Variants in FBH1 observed in about 807,000 individuals in gnomAD.
FBH1 encodes F-box DNA helicase 1, also known as DNA 3'-5' helicase 1.
In FBH1, 43 loss-of-function variants were observed where a neutral mutation model predicts 115.5. That is an observed-to-expected ratio of 0.37 (90% CI 0.29 to 0.48). The LOEUF (loss-of-function observed/expected upper bound fraction) is 0.48. FBH1 is among the 20% of genes least tolerant of loss of function. FBH1 has a pLI of 0.99. For missense variants in FBH1, 1,001 were observed against 1,337.3 expected (o/e 0.75, Z 3.92); for synonymous variants, 524 against 507.8 (o/e 1.03, Z -0.43).
chr10:5,916,276 C>T lies in FBH1; in HGVS notation c.1608C>T (p.Pro536=). The T allele has an allele frequency of 1.2e-6, 2 of 1,614,192 alleles. No individual in the cohort carries two copies. Among genetic ancestry groups the T allele is most frequent in the Non-Finnish European group, 1.7e-6 (2 of 1,180,040 alleles). The stretch of plus-strand genomic sequence containing the variant: ...AGTTGAATCTCTTCAAGTTAACACC[C>T]TTCATGGTCAACTCCGTCCTTGCTG... ...KKKLNLFKLT[P]FMVNSVLAEG... The change falls in exon 10 of 21, where the codon CCC becomes CCT. Residue 536 remains proline, a synonymous_variant. Transcript: ENST00000362091.
At chr10:5,903,482 C>T (rs376987232) in intron 2 of FBH1, among the ~76,000 whole-genome samples, 1 of 121,392 alleles carries the variant, frequency 8.2e-6, no homozygotes, top group East Asian at 2.3e-4. Context: ...AGGTGCGTGC[C>T]ACCACCCCCA....
Position 5,916,365 on chromosome 10 carries a change from C to T in FBH1, c.1697C>T (p.Ser566Leu), listed in dbSNP as rs773741923. ...VCKTLENFFA[S>L]ADEELTIDHV... ...AAGACTCTAGAAAACTTCTTTGCCTCGGCTGACGAAGAGCTGACCATTGAT... is the reference window on the plus strand; with the variant it reads ...AAGACTCTAGAAAACTTCTTTGCCTTGGCTGACGAAGAGCTGACCATTGAT... Residue 566 changes from serine (S) to leucine (L), a missense_variant, in exon 10 of 21, where the codon TCG becomes TTG. Ser to Leu is a moderately radical substitution (Grantham distance 145). Around this residue, in one of 4 missense-constraint regions of FBH1, gnomAD observed 521 missense variants for 811.0 expected, o/e 0.64. Coordinates refer to ENST00000362091, the MANE Select transcript of FBH1 (RefSeq NM_178150.3). 5 of 1,614,204 alleles carry T rather than the reference C, an allele frequency of 3.1e-6. No individual in the cohort carries two copies. The highest frequency in any genetic ancestry group is 2.2e-5 in the East Asian group (1 of 44,890).
Position 5,910,878 on chromosome 10 carries a change from T to C in FBH1, c.1021-60T>C. 1.4e-6 allele frequency: 2 copies of C among 1,467,404 alleles called. No individual in the cohort carries two copies. The highest frequency in any genetic ancestry group is 1.8e-6 in the Non-Finnish European group (2 of 1,082,016). The allele number at this position is 1,467,404 out of a possible 1,614,324, so 90.9% of individuals were successfully genotyped here. A position where few individuals can be genotyped will look rare whatever the true frequency, so the allele number is the denominator to read the frequency against. ...CGGCTTTCCTGACTCCTTCCTGCTG[T>C]GATTCGTATTAACCATGGCCTGTGG... On this transcript the variant is annotated intron_variant, in intron 5 of 20. Transcript: ENST00000362091. This position sits in a 1 kb window ranked among gnomAD's most constrained non-coding sequence, Gnocchi z 4.8.
Position 5,931,256 on chromosome 10 carries a change from C to G in FBH1, c.2829+3715C>G, listed in dbSNP as rs1832955254. Among the ~76,000 whole-genome samples the G allele has an allele frequency of 6.6e-6, 1 of 152,186 alleles. No homozygotes were observed. The stretch of plus-strand genomic sequence containing the variant: ...TGCCATCTCAGCAGATACGCATTAC[C>G]TTGCTTTGTTGCACAACGGCACCTT... On this transcript the variant is annotated intron_variant, in intron 19 of 20. Transcript: ENST00000362091. The surrounding 1 kb of genome is among the most constrained non-coding windows in gnomAD (Gnocchi z 4.3).
rs749128322 is a variant in FBH1 at position 5,925,486 on chromosome 10, A to C, written c.2716A>C (p.Arg906=). The part of the protein sequence containing the change: ...RHNLPQLPHF[R]VESFSEDEWN... ...TAACCTGCCCCAGCTTCCGCACTTC[A>C]GAGTTGGTAAGAGGCCGCCGGGTAG... Residue 906 remains arginine (R), a synonymous_variant, in exon 18 of 21, where the codon AGA becomes CGA. Transcript: ENST00000362091. This position sits in a 1 kb window ranked among gnomAD's most constrained non-coding sequence, Gnocchi z 4.6. 36 of 1,613,754 alleles carry C rather than the reference A, an allele frequency of 2.2e-5. No individual in the cohort carries two copies. The highest frequency in any genetic ancestry group is 3.1e-5 in the Non-Finnish European group (36 of 1,180,040).
chr10:5,929,370 T>A (rs1832839607), intron 19 of FBH1: 4 of 152,212 alleles, frequency 2.6e-5, no homozygotes, highest in African/African-American at 9.7e-5. Context: ...TCATTTTTCC[T>A]CCAGGCCTCT....
In FBH1 at chr10:5,911,688, G is replaced by A. The variant is rs1051974985; in HGVS notation, c.1211+560G>A. On this transcript the variant is annotated intron_variant, in intron 6 of 20. Transcript: ENST00000362091. This position sits in a 1 kb window ranked among gnomAD's most constrained non-coding sequence, Gnocchi z 5.4. ...GGTCCACTGTGACCGGCTTAGAGGA[G>A]TTAGAGGAGATTCCTGATCTAGTGA... Among the ~76,000 whole-genome samples, 3 of 152,180 alleles carry A rather than the reference G, an allele frequency of 2.0e-5. No homozygotes were observed. The highest frequency in any genetic ancestry group is 1.3e-4 in the Admixed American group (2 of 15,284).
chr10:5,902,473 T>G (rs769512124), intron 1 of FBH1, among the ~76,000 whole-genome samples: 2 of 152,136 alleles, frequency 1.3e-5, no homozygotes, highest in Non-Finnish European at 2.9e-5. Context: ...CCTCAGTATA[T>G]CCACTAGTGA....
In FBH1 at chr10:5,890,267, T is replaced by C. The variant is rs1321931220; in HGVS notation, c.-79T>C. On this transcript the variant is annotated 5_prime_UTR_variant, in exon 1 of 21. Transcript: ENST00000362091. ...GGTCCCGGCCAGAGGAGGAGCTCGC[T>C]GCCGGGGGACGCTGGGCTGAGCGGC... 1.1e-5 allele frequency: 4 copies of C among 365,240 alleles called. No individual in the cohort carries two copies. The highest frequency in any genetic ancestry group is 6.5e-5 in the African/African-American group (3 of 46,336). The allele number at this position is 365,240 out of a possible 1,614,324, so 22.6% of individuals were successfully genotyped here.
At position 5,918,017 on chromosome 10, in the gene FBH1, T is replaced by C. The variant is rs1204619719; in HGVS notation, c.1964-325T>C. Among the ~76,000 whole-genome samples, 1 of 152,232 alleles carries C rather than the reference T, an allele frequency of 6.6e-6. No individual in the cohort carries two copies. The highest frequency in any genetic ancestry group is 1.5e-5 in the Non-Finnish European group (1 of 68,046). On this transcript the variant is annotated intron_variant, in intron 12 of 20. Coordinates refer to ENST00000362091, the MANE Select transcript of FBH1 (RefSeq NM_178150.3). This position sits in a 1 kb window ranked among gnomAD's most constrained non-coding sequence, Gnocchi z 4.0. ...GTGGCTAGGAGAGAACAGACAGTGT[T>C]ATCCGTCTGACTTTGTAGGTCAATT...
In FBH1 at chr10:5,936,858, G is replaced by T. The variant is rs1041023599; in HGVS notation, c.2962-252G>T. 4 of 592,776 alleles carry T rather than the reference G, an allele frequency of 6.7e-6. No individual in the cohort carries two copies. The highest frequency in any genetic ancestry group is 1.9e-5 in the African/African-American group (1 of 53,894). The allele number at this position is 592,776 out of a possible 1,614,324, so 36.7% of individuals were successfully genotyped here. ...GAGAGCTGTTCCCTGGGGTCCCAGC[G>T]CAGCTTTTCTTGGTTCTTTATCTTG... On this transcript the variant is annotated intron_variant, in intron 20 of 20. Coordinates refer to ENST00000362091, the MANE Select transcript of FBH1 (RefSeq NM_178150.3). This position sits in a 1 kb window ranked among gnomAD's most constrained non-coding sequence, Gnocchi z 5.6.
Position 5,913,012 on chromosome 10 carries a change from G to T in FBH1, c.1212-735G>T, listed in dbSNP as rs1015356601. 1.3e-5 allele frequency among the ~76,000 whole-genome samples: 2 copies of T among 152,174 alleles called. No individual in the cohort carries two copies. The highest frequency in any genetic ancestry group is 4.8e-5 in the African/African-American group (2 of 41,436). ...TGGGCTCTTTTCGCTCTGGGGATGG[G>T]GGGCAGTGCACTCGATTGTTGGGGG... is the stretch of plus-strand genomic sequence containing the variant. On this transcript the variant is annotated intron_variant, in intron 6 of 20. Transcript: ENST00000362091. The surrounding 1 kb of genome is among the most constrained non-coding windows in gnomAD (Gnocchi z 4.4).
At chr10:5,902,303 T>C (rs1191767927) in intron 1 of FBH1, among the ~76,000 whole-genome samples, 1 of 152,206 alleles carries the variant, frequency 6.6e-6, no homozygotes, top group African/African-American at 2.4e-5. Context: ...TTTCATGTTA[T>C]GTGCTTTTTA....
rs1328756620 is a variant in FBH1 at position 5,925,129 on chromosome 10, G to A, written c.2597-238G>A. The A allele has an allele frequency of 8.3e-6, 4 of 483,868 alleles. No homozygotes were observed. Among genetic ancestry groups the A allele is most frequent in the African/African-American group, 2.0e-5 (1 of 50,630 alleles). The allele number at this position is 483,868 out of a possible 1,614,324, so 30.0% of individuals were successfully genotyped here. On this transcript the variant is annotated intron_variant, in intron 17 of 20. Transcript: ENST00000362091. The surrounding 1 kb of genome is among the most constrained non-coding windows in gnomAD (Gnocchi z 4.6). ...ACTCTGTCCTCTGGGATGTGATTCCGAGAGGCGTTAACTCTCCTGCAACTA... is the reference window on the plus strand; with the variant it reads ...ACTCTGTCCTCTGGGATGTGATTCCAAGAGGCGTTAACTCTCCTGCAACTA...
At chr10:5,893,474 C>T (rs591878) in intron 1 of FBH1, among the ~76,000 whole-genome samples, 66,674 of 151,996 alleles carry the variant, frequency 0.44, 15,187 homozygotes, top group East Asian at 0.68. Context: ...CCTGTCATTC[C>T]TCATCAGGGA....
rs1363480338 is a variant in FBH1 at position 5,923,206 on chromosome 10, C to T, written c.2323-415C>T. Among the ~76,000 whole-genome samples the T allele has an allele frequency of 6.6e-6, 1 of 152,200 alleles. No individual in the cohort carries two copies. On this transcript the variant is annotated intron_variant, in intron 15 of 20. Transcript: ENST00000362091. This position sits in a 1 kb window ranked among gnomAD's most constrained non-coding sequence, Gnocchi z 5.7. ...CCTGTAGTTCTTTTCTCACAAGAAA[C>T]AGTGGTAAATGTGCATACCCAGCAC...
In FBH1 at chr10:5,910,432, T is replaced by C. The variant is rs372232832; in HGVS notation, c.1021-506T>C. Among the ~76,000 whole-genome samples, 9 of 152,352 alleles carry C rather than the reference T, an allele frequency of 5.9e-5. No individual in the cohort carries two copies. In the South Asian group the frequency reaches 1.2e-3, roughly 21 times the overall value. On this transcript the variant is annotated intron_variant, in intron 5 of 20. Coordinates refer to ENST00000362091, the MANE Select transcript of FBH1 (RefSeq NM_178150.3). This position sits in a 1 kb window ranked among gnomAD's most constrained non-coding sequence, Gnocchi z 4.8. ...TATTTAACTTACAATGAACAGTTAT[T>C]ACTAATAATAAATAGCAAGTTAACA...
At chr10:5,898,847 A>G (rs1380445046) in intron 1 of FBH1, among the ~76,000 whole-genome samples, 1 of 152,186 alleles carries the variant, frequency 6.6e-6, no homozygotes, top group Admixed American at 6.5e-5. Flanking sequence ...ACAGCAGTGA[A>G]CCAGGTGGGC....
intron 13 of FBH1, among the ~76,000 whole-genome samples, chr10:5,920,956 G>T (rs1015962747): frequency 1.4e-4 from 21 of 152,154 alleles, no homozygotes; most frequent in Non-Finnish European, 4.4e-5. Context: ...CAAAGGCAAG[G>T]GGAGAAGCCC....
Sources: gnomAD v4.1 joint callset for allele counts (sites outside exome capture counted in the v4.1 genomes callset) on GRCh38, gnomAD v4.1.1 for gene constraint, gnomAD v4.1.1 regional missense constraint, Gnocchi (gnomAD v3.1) non-coding constraint, MANE v1.5 for transcripts, NCBI Gene and HGNC (gene_info 2026-07-23, HGNC 2026-07-21) for gene names.